Variants in SPCS3 observed in about 807,000 individuals in gnomAD.
SPCS3 encodes the protein SPase 22 kDa subunit.
A neutral mutation model predicts 17.2 loss-of-function variants in SPCS3; 9 were observed. The ratio of observed to expected loss-of-function variants is 0.52; its 90% CI spans 0.31 to 0.91. SPCS3 has a LOEUF of 0.91. Ranked by LOEUF, SPCS3 falls within the 40% of genes least tolerant of loss-of-function variation. The pLI is 0.04. For missense variants in SPCS3, 139 were observed against 217.5 expected (o/e 0.64, Z 2.27); for synonymous variants, 87 against 89.6 (o/e 0.97, Z 0.16).
In SPCS3 at chr4:176,327,164, T is replaced by C. The variant is rs757461348; in HGVS notation, c.297T>C (p.Ala99=). ...AATTAATTTTCATTTTAATATAGGCTCTGAACCAAGTTGTCCTATGGGACA... is the reference window on the plus strand; with the variant it reads ...AATTAATTTTCATTTTAATATAGGCCCTGAACCAAGTTGTCCTATGGGACA... The part of the protein sequence containing the change: ...LSAEYSTKNN[A]LNQVVLWDKI... The change falls in exon 4 of 5, where the codon GCT becomes GCC. Residue 99 remains alanine (A), a splice_region_variant and synonymous_variant. Coordinates refer to ENST00000503362, the MANE Select transcript of SPCS3 (RefSeq NM_021928.4). 9.0e-6 allele frequency: 14 copies of C among 1,562,516 alleles called. No homozygotes were observed. The highest frequency in any genetic ancestry group is 1.2e-5 in the Non-Finnish European group (14 of 1,154,704).
At chr4:176,326,578 T>G (rs1039467915) in intron 3 of SPCS3, among the ~76,000 whole-genome samples, 4 of 152,164 alleles carry the variant, frequency 2.6e-5, no homozygotes, top group African/African-American at 9.6e-5. Flanking sequence ...TTTTCTTAAT[T>G]AAAGGGAAAA....
At chr4:176,327,685 A>T (rs1731626452) in intron 4 of SPCS3, among the ~76,000 whole-genome samples, 1 of 152,206 alleles carries the variant, frequency 6.6e-6, no homozygotes, top group African/African-American at 2.4e-5. Context: ...TCTAAAGCTC[A>T]TTTTAGTCAG....
intron 3 of SPCS3, 55 bp from the exon 4 acceptor site, chr4:176,327,107 A>C (rs957640749): frequency 9.7e-7 from 1 of 1,026,282 alleles, no homozygotes; most frequent in Non-Finnish European, 1.4e-6. Flanking sequence ...TTTAATTTGA[A>C]GTGATAAGAT....
rs1731512316 is a variant in SPCS3 at position 176,320,013 on chromosome 4, G to T, written c.-64G>T. On this transcript the variant is annotated 5_prime_UTR_variant, in exon 1 of 5. Transcript: ENST00000503362. ...AGACGGCGCGGATCGCAGGGAGCCG[G>T]TCCGCCGCCGGAACGGGAGCCTGGG... 28 of 1,430,962 alleles carry T rather than the reference G, an allele frequency of 2.0e-5. No homozygotes were observed. The highest frequency in any genetic ancestry group is 3.8e-4 in the Middle Eastern group (2 of 5,240). 88.6% of individuals were successfully genotyped at this position (1,430,962 alleles called of 1,614,324 possible). A position where few individuals can be genotyped will look rare whatever the true frequency, so the allele number is the denominator to read the frequency against.
intron 3 of SPCS3, among the ~76,000 whole-genome samples, chr4:176,324,512 T>C: frequency 6.6e-6 from 1 of 152,212 alleles, no homozygotes; most frequent in East Asian, 1.9e-4. Context: ...GGAGACTTGC[T>C]ATATGAACAG....
At position 176,328,314 on chromosome 4, in the gene SPCS3, T is replaced by C; in HGVS notation, c.527T>C (p.Ile176Thr). The C allele has an allele frequency of 6.3e-7, 1 of 1,596,142 alleles. No homozygotes were observed. The highest frequency in any genetic ancestry group is 8.5e-7 in the Non-Finnish European group (1 of 1,172,044). The change falls in exon 5 of 5, where the codon ATA (isoleucine) becomes ACA (threonine). Residue 176 changes from isoleucine to threonine, a missense_variant. Coordinates refer to ENST00000503362, the MANE Select transcript of SPCS3 (RefSeq NM_021928.4). ...GTCCCATTTCCAGATACATATGAAA[T>C]AACGAAGAGTTATTAAATTATTCTG... ...VSVPFPDTYE[I>T]TKSY
chr4:176,323,198 A>G (rs565089281), intron 2 of SPCS3, among the ~76,000 whole-genome samples: 2 of 152,168 alleles, frequency 1.3e-5, no homozygotes, highest in Admixed American at 6.5e-5. Context: ...GCTGAATTTC[A>G]TGTGTATTTT....
rs954941636 is a variant in SPCS3, at chr4:176,328,657, G to A, written c.*327G>A. Reference sequence around the variant, plus strand: ...TTATTCTTTATGGAATATAAAGTAAGCATGAAAGGTAGTTAAAACTTTCAG... The same window carrying A: ...TTATTCTTTATGGAATATAAAGTAAACATGAAAGGTAGTTAAAACTTTCAG... On this transcript the variant is annotated 3_prime_UTR_variant, in exon 5 of 5. Coordinates refer to ENST00000503362, the MANE Select transcript of SPCS3 (RefSeq NM_021928.4). 5 of 157,590 alleles carry A rather than the reference G, an allele frequency of 3.2e-5. No individual in the cohort carries two copies. The highest frequency in any genetic ancestry group is 7.0e-5 in the Non-Finnish European group (5 of 71,772). The allele number at this position is 157,590 out of a possible 1,614,324, so 9.8% of individuals were successfully genotyped here. A position where few individuals can be genotyped will look rare whatever the true frequency, so the allele number is the denominator to read the frequency against.
At chr4:176,326,786 A>C (rs1194390393) in intron 3 of SPCS3, among the ~76,000 whole-genome samples, 1 of 152,176 alleles carries the variant, frequency 6.6e-6, no homozygotes, top group African/African-American at 2.4e-5. Context: ...GGGTCTTAGA[A>C]ATTTTATAGG....
rs1390867659 is a variant in SPCS3, at chr4:176,331,961, G to A, written c.*3631G>A. On this transcript the variant is annotated 3_prime_UTR_variant, in exon 5 of 5. Coordinates refer to ENST00000503362, the MANE Select transcript of SPCS3 (RefSeq NM_021928.4). Reference sequence around the variant, plus strand: ...AAATGAATTTTGTTTACCAGTAAAAGTATGCATTTTAAAAGACTTTCAGAT... The same window carrying A: ...AAATGAATTTTGTTTACCAGTAAAAATATGCATTTTAAAAGACTTTCAGAT... 3 of 152,166 alleles carry A rather than the reference G, an allele frequency of 2.0e-5. No homozygotes were observed. Among genetic ancestry groups the A allele is most frequent in the Non-Finnish European group, 4.4e-5 (3 of 68,038 alleles). The allele number at this position is 152,166 out of a possible 1,614,324, so 9.4% of individuals were successfully genotyped here. A position where few individuals can be genotyped will look rare whatever the true frequency, so the allele number is the denominator to read the frequency against.
intron 4 of SPCS3, among the ~76,000 whole-genome samples, chr4:176,327,650 G>C (rs1045718908): frequency 6.6e-6 from 1 of 152,182 alleles, no homozygotes; most frequent in African/African-American, 2.4e-5. Context: ...AAAAGAAGTA[G>C]TATTGGTTCT....
rs144404934 is a variant in SPCS3 at position 176,330,069 on chromosome 4, C to T, written c.*1739C>T. The T allele has an allele frequency of 1.3e-5, 2 of 152,204 alleles. No homozygotes were observed. The highest frequency in any genetic ancestry group is 4.8e-5 in the African/African-American group (2 of 41,530). The allele number at this position is 152,204 out of a possible 1,614,324, so 9.4% of individuals were successfully genotyped here. A position where few individuals can be genotyped will look rare whatever the true frequency, so the allele number is the denominator to read the frequency against. On this transcript the variant is annotated 3_prime_UTR_variant, in exon 5 of 5. Coordinates refer to ENST00000503362, the MANE Select transcript of SPCS3 (RefSeq NM_021928.4). ...TATCTGTAAAATGACAGAGTTGGACCAGTTAACTTTAATGGCCATCCTTTT... is the reference window on the plus strand; with the variant it reads ...TATCTGTAAAATGACAGAGTTGGACTAGTTAACTTTAATGGCCATCCTTTT...
At chr4:176,323,945 G>A (rs1731570684) in intron 2 of SPCS3, among the ~76,000 whole-genome samples, 1 of 151,868 alleles carries the variant, frequency 6.6e-6, no homozygotes, top group African/African-American at 2.4e-5. Context: ...ATCCTTGGAG[G>A]AGTATGGGAG....
At chr4:176,323,652 A>T (rs531965866) in intron 2 of SPCS3, among the ~76,000 whole-genome samples, 1 of 152,182 alleles carries the variant, frequency 6.6e-6, no homozygotes, top group Non-Finnish European at 1.5e-5. Context: ...ATTGAGCCAC[A>T]TTGGTGTCAT....
At position 176,328,255 on chromosome 4, in the gene SPCS3, T is replaced by C; in HGVS notation, c.468T>C (p.Ile156=). 1 of 1,613,400 alleles carries C rather than the reference T, an allele frequency of 6.2e-7. No individual in the cohort carries two copies. Among genetic ancestry groups the C allele is most frequent in the Non-Finnish European group, 8.5e-7 (1 of 1,179,630 alleles). The change falls in exon 5 of 5, where the codon ATT becomes ATC. Residue 156 remains isoleucine (I), a synonymous_variant. Coordinates refer to ENST00000503362, the MANE Select transcript of SPCS3 (RefSeq NM_021928.4). The part of the protein sequence containing the change: ...LSWNVVPNAG[I]LPLVTGSGHV... Reference sequence around the variant, plus strand: ...GGAACGTCGTACCAAATGCTGGAATTCTACCTCTTGTGACAGGATCAGGAC... The same window carrying C: ...GGAACGTCGTACCAAATGCTGGAATCCTACCTCTTGTGACAGGATCAGGAC...
rs1731573225 is a variant in SPCS3 at position 176,324,171 on chromosome 4, AT to A, written c.218-7del. ...TGCTCATAAATTTATATTTTCCTTA[AT>A]TTACTTACATCTAGAGAATATATTT... On this transcript the variant is annotated splice_polypyrimidine_tract_variant and intron_variant, in intron 2 of 4. Coordinates refer to ENST00000503362, the MANE Select transcript of SPCS3 (RefSeq NM_021928.4). 8.9e-7 allele frequency: 1 copy of A among 1,118,038 alleles called. No individual in the cohort carries two copies. The highest frequency in any genetic ancestry group is 1.2e-6 in the Non-Finnish European group (1 of 813,614). 69.3% of individuals were successfully genotyped at this position (1,118,038 alleles called of 1,614,324 possible). A position where few individuals can be genotyped will look rare whatever the true frequency, so the allele number is the denominator to read the frequency against.
rs748116242 is a variant in SPCS3, at chr4:176,330,479, T to G, written c.*2149T>G. On this transcript the variant is annotated 3_prime_UTR_variant, in exon 5 of 5. Transcript: ENST00000503362. ...ATTACAGTTATTTGACAAGCCCACTTTTTTTGGAGTTTGGTGAGGAAGATA... is the reference window on the plus strand; with the variant it reads ...ATTACAGTTATTTGACAAGCCCACTGTTTTTGGAGTTTGGTGAGGAAGATA... 2 of 152,196 alleles carry G rather than the reference T, an allele frequency of 1.3e-5. No homozygotes were observed. The highest frequency in any genetic ancestry group is 2.9e-5 in the Non-Finnish European group (2 of 68,018). 9.4% of individuals were successfully genotyped at this position (152,196 alleles called of 1,614,324 possible). A position where few individuals can be genotyped will look rare whatever the true frequency, so the allele number is the denominator to read the frequency against.
At position 176,328,254 on chromosome 4, in the gene SPCS3, T is replaced by G; in HGVS notation, c.467T>G (p.Ile156Ser). Residue 156 changes from isoleucine (I) to serine (S), a missense_variant, in exon 5 of 5, where the codon ATT becomes AGT. Coordinates refer to ENST00000503362, the MANE Select transcript of SPCS3 (RefSeq NM_021928.4). ...LSWNVVPNAG[I>S]LPLVTGSGHV... ...TGGAACGTCGTACCAAATGCTGGAA[T>G]TCTACCTCTTGTGACAGGATCAGGA... is the stretch of plus-strand genomic sequence containing the variant. 1 of 1,613,396 alleles carries G rather than the reference T, an allele frequency of 6.2e-7. No homozygotes were observed. Among genetic ancestry groups the G allele is most frequent in the Non-Finnish European group, 8.5e-7 (1 of 1,179,636 alleles).
Position 176,320,012 on chromosome 4 carries a change from G to A in SPCS3, c.-65G>A, listed in dbSNP as rs1464148060. ...CAGACGGCGCGGATCGCAGGGAGCC[G>A]GTCCGCCGCCGGAACGGGAGCCTGG... On this transcript the variant is annotated 5_prime_UTR_variant, in exon 1 of 5. Coordinates refer to ENST00000503362, the MANE Select transcript of SPCS3 (RefSeq NM_021928.4). 26 of 1,417,696 alleles carry A rather than the reference G, an allele frequency of 1.8e-5. No homozygotes were observed. The highest frequency in any genetic ancestry group is 7.4e-5 in the South Asian group (5 of 67,506). 87.8% of individuals were successfully genotyped at this position (1,417,696 alleles called of 1,614,324 possible).
Sources: allele counts gnomAD v4.1 joint callset (sites outside exome capture counted in the v4.1 genomes callset), GRCh38; gene constraint gnomAD v4.1.1; transcripts MANE v1.5; gene names NCBI Gene and HGNC (gene_info 2026-07-23, HGNC 2026-07-21).